Variants in FRMD4B observed in about 807,000 individuals in gnomAD.
The protein encoded by FRMD4B is FERM domain-containing protein 4B.
In FRMD4B, 74 loss-of-function variants were observed where a neutral mutation model predicts 141.5. The ratio of observed to expected loss-of-function variants is 0.52; its 90% CI spans 0.43 to 0.63. The LOEUF is 0.63. Ranked by LOEUF, FRMD4B falls within the 30% of genes least tolerant of loss-of-function variation. FRMD4B has a pLI of 0.00. For missense variants in FRMD4B, 1,366 were observed against 1,253.4 expected (o/e 1.09, Z -1.36); for synonymous variants, 506 against 467.9 (o/e 1.08, Z -1.05).
intron 1 of FRMD4B, among the ~76,000 whole-genome samples, chr3:69,525,555 C>A (rs1201610756): frequency 1.3e-5 from 2 of 152,192 alleles, no homozygotes; most frequent in South Asian, 4.1e-4. Context: ...CCAGGCTAAG[C>A]CCTCAAAAGT....
intron 11 of FRMD4B, among the ~76,000 whole-genome samples, chr3:69,205,637 G>T (rs1419250032): frequency 6.6e-6 from 1 of 152,148 alleles, no homozygotes; most frequent in Non-Finnish European, 1.5e-5. Flanking sequence ...CACACTGGAG[G>T]GGAGGATGCT....
chr3:69,233,442 T>G (rs1246364103), intron 7 of FRMD4B, among the ~76,000 whole-genome samples: 1 of 147,848 alleles, frequency 6.8e-6, no homozygotes, highest in African/African-American at 2.5e-5. Context: ...CACGATCGCC[T>G]ACTGCACTCC....
chr3:69,172,126 G>T, intron 22 of FRMD4B, 145 bp from the exon 23 acceptor site: 1 of 669,220 alleles, frequency 1.5e-6, no homozygotes, highest in Non-Finnish European at 2.6e-6. Flanking sequence ...GGAGAAGGGT[G>T]ACTGCATGTT....
intron 7 of FRMD4B, among the ~76,000 whole-genome samples, chr3:69,235,210 AGAAACTG>A (rs2093337825): frequency 6.7e-6 from 1 of 149,146 alleles, no homozygotes. Context: ...TTTTCAAGAA[AGAAACTG>A]TAATCAACTC....
chr3:69,224,760 T>C, intron 7 of FRMD4B, 70 bp from the exon 8 acceptor site: 1 of 745,726 alleles, frequency 1.3e-6, no homozygotes. Flanking sequence ...GGTCACCAAA[T>C]GAATTAGATT....
At chr3:69,229,290 T>C (rs1306410453) in intron 7 of FRMD4B, among the ~76,000 whole-genome samples, 1 of 152,080 alleles carries the variant, frequency 6.6e-6, no homozygotes, top group African/African-American at 2.4e-5. Flanking sequence ...CTTCCCAAAG[T>C]GCTAGGATTA....
At chr3:69,385,252 C>A (rs1036631353) in intron 1 of FRMD4B, among the ~76,000 whole-genome samples, 3 of 152,040 alleles carry the variant, frequency 2.0e-5, no homozygotes, top group Admixed American at 6.5e-5. Flanking sequence ...GGCCACCCCT[C>A]CCTTCCCCAG....
intron 19 of FRMD4B, among the ~76,000 whole-genome samples, chr3:69,184,068 A>AT (rs1192815389): frequency 6.6e-6 from 1 of 151,222 alleles, no homozygotes; most frequent in Non-Finnish European, 1.5e-5. Context: ...GCTAATGTTT[A>AT]TTTTTTTTAT....
chr3:69,241,411 C>T (rs2093382120), intron 7 of FRMD4B, among the ~76,000 whole-genome samples: 1 of 152,164 alleles, frequency 6.6e-6, no homozygotes, highest in Admixed American at 6.5e-5. Flanking sequence ...ACTTGGGAAA[C>T]TTTGTTTAAC....
At chr3:69,323,947 C>T (rs891419889) in intron 1 of FRMD4B, among the ~76,000 whole-genome samples, 2 of 152,168 alleles carry the variant, frequency 1.3e-5, no homozygotes, top group Non-Finnish European at 2.9e-5. Flanking sequence ...AAGCCTAACA[C>T]TGCTCTGAAA....
At chr3:69,517,015 C>A (rs1411583290) in intron 1 of FRMD4B, among the ~76,000 whole-genome samples, 1 of 152,146 alleles carries the variant, frequency 6.6e-6, no homozygotes, top group Non-Finnish European at 1.5e-5. Flanking sequence ...TGCACATTAA[C>A]CCATTATTTG....
At chr3:69,483,478 A>G (rs1706163758) in intron 1 of FRMD4B, among the ~76,000 whole-genome samples, 1 of 152,246 alleles carries the variant, frequency 6.6e-6, no homozygotes, top group African/African-American at 2.4e-5. Flanking sequence ...AGTCTGTGAT[A>G]GAAAGTATGC....
chr3:69,199,078 C>T (rs1308010162), intron 11 of FRMD4B: 3 of 256,758 alleles, frequency 1.2e-5, no homozygotes, highest in East Asian at 9.6e-5. Context: ...AGACCATCCT[C>T]GCTAACACGG....
At chr3:69,216,152 T>G (rs988023137) in intron 11 of FRMD4B, 111 bp downstream of exon 11, 1 of 500,746 alleles carries the variant, frequency 2.0e-6, no homozygotes, top group African/African-American at 2.8e-5. Flanking sequence ...AGACTCCATC[T>G]CAAAAAAAAC....
chr3:69,371,575 TAGGA>T (rs1703825209), intron 1 of FRMD4B, among the ~76,000 whole-genome samples: 1 of 152,126 alleles, frequency 6.6e-6, no homozygotes, highest in African/African-American at 2.4e-5. Flanking sequence ...AGAGACCAGT[TAGGA>T]AGCTATTGCA....
intron 4 of FRMD4B, among the ~76,000 whole-genome samples, chr3:69,298,614 C>T (rs1394224733): frequency 6.6e-6 from 1 of 152,222 alleles, no homozygotes; most frequent in African/African-American, 2.4e-5. Context: ...GGGGCTGGTA[C>T]ACACCAGGCA....
chr3:69,224,590 A>G lies in FRMD4B; in HGVS notation c.665+17T>C. ...AGGCTATGAAAATGAGACACCTGTT[A>G]TGTGGATTTGGCTTACCAGTAGGCA... On this transcript the variant is annotated intron_variant, in intron 8 of 22. Coordinates refer to ENST00000398540, the MANE Select transcript of FRMD4B (RefSeq NM_015123.3). The G allele has an allele frequency of 4.0e-6, 5 of 1,255,336 alleles. No homozygotes were observed. Among genetic ancestry groups the G allele is most frequent in the Non-Finnish European group, 5.8e-6 (5 of 860,418 alleles). The allele number at this position is 1,255,336 out of a possible 1,614,324, so 77.8% of individuals were successfully genotyped here.
At chr3:69,515,697 A>G (rs1288796756) in intron 1 of FRMD4B, among the ~76,000 whole-genome samples, 1 of 152,212 alleles carries the variant, frequency 6.6e-6, no homozygotes, top group African/African-American at 2.4e-5. Context: ...TAGAATATGT[A>G]TCTAAAGATT....
intron 5 of FRMD4B, among the ~76,000 whole-genome samples, chr3:69,256,134 A>G: frequency 6.6e-6 from 1 of 152,018 alleles, no homozygotes; most frequent in East Asian, 1.9e-4. Context: ...GACTATTTGG[A>G]TGCTGTCTAG....
Sources: gnomAD v4.1 joint callset for allele counts (sites outside exome capture counted in the v4.1 genomes callset) on GRCh38, gnomAD v4.1.1 for gene constraint, MANE v1.5 for transcripts, NCBI Gene and HGNC (gene_info 2026-07-23, HGNC 2026-07-21) for gene names.